RELN: variants seen among roughly 807,000 people sequenced by gnomAD.
The protein encoded by RELN is reelin.
A neutral mutation model predicts 427.6 loss-of-function variants in RELN; 108 were observed. That is an observed-to-expected ratio of 0.25 (90% CI 0.22 to 0.30). RELN has a LOEUF of 0.30. RELN is among the 10% of genes least tolerant of loss of function. RELN has a pLI of 1.00. For synonymous variants in RELN, 1,524 were observed against 1,513.4 expected, an observed-to-expected ratio of 1.01 and a Z score of -0.16; for missense variants, 3,715 against 4,302.8, an observed-to-expected ratio of 0.86 and a Z score of 3.82.
At chr7:103,669,471 C>G (rs1833343234) in intron 11 of RELN, among the ~76,000 whole-genome samples, 1 of 152,158 alleles carries the variant, frequency 6.6e-6, no homozygotes, top group Non-Finnish European at 1.5e-5. Context: ...GCTCTATCAA[C>G]TACTGGGGGA....
At chr7:103,734,934 G>A (rs893138021) in intron 6 of RELN, among the ~76,000 whole-genome samples, 3 of 151,994 alleles carry the variant, frequency 2.0e-5, no homozygotes, top group Non-Finnish European at 2.9e-5. Flanking sequence ...AGCGATGAGT[G>A]GACTTCATAA....
At chr7:103,572,134 A>G (rs184529745) in intron 31 of RELN, 50 bp downstream of exon 31, 165 of 1,042,624 alleles carry the variant, frequency 1.6e-4, no homozygotes, top group Non-Finnish European at 2.2e-4. Flanking sequence ...AGGATAAAGG[A>G]CTAATCTGCC....
rs140080276 is a variant in RELN, at chr7:103,495,711, A to G, written c.9369+12T>C. On this transcript the variant is annotated intron_variant, in intron 57 of 64. Coordinates refer to ENST00000428762, the MANE Select transcript of RELN (RefSeq NM_005045.4). ...ATGCTACTTTCTGTTTTAAAGAGCC[A>G]CTTTTCCTTACTTTAAACTGCATCA... 107 of 1,613,848 alleles carry G rather than the reference A, an allele frequency of 6.6e-5. No homozygotes were observed. In the African/African-American group the frequency reaches 8.8e-4, roughly 13 times the overall value.
At chr7:103,571,377 G>T (rs1423765662) in intron 31 of RELN, among the ~76,000 whole-genome samples, 1 of 152,202 alleles carries the variant, frequency 6.6e-6, no homozygotes, top group East Asian at 1.9e-4. Context: ...GGCCACCTAT[G>T]CTTCAAGCCT....
At chr7:103,955,344 AG>A (rs1796412039) in intron 1 of RELN, among the ~76,000 whole-genome samples, 1 of 152,240 alleles carries the variant, frequency 6.6e-6, no homozygotes. Context: ...TTCCATGAAC[AG>A]TAACTAAATT....
At chr7:103,934,526 G>A (rs559115387) in intron 1 of RELN, among the ~76,000 whole-genome samples, 1 of 152,226 alleles carries the variant, frequency 6.6e-6, no homozygotes, top group East Asian at 1.9e-4. Flanking sequence ...CAGCTTCCCA[G>A]CCTCAGAATC....
intron 7 of RELN, among the ~76,000 whole-genome samples, chr7:103,723,467 T>C (rs1369901997): frequency 1.3e-5 from 2 of 152,146 alleles, no homozygotes; most frequent in Non-Finnish European, 2.9e-5. Flanking sequence ...CTTAGTGGAA[T>C]CCAGCAGGTT....
intron 3 of RELN, among the ~76,000 whole-genome samples, chr7:103,784,225 G>T (rs1292348513): frequency 1.3e-5 from 2 of 152,126 alleles, no homozygotes; most frequent in African/African-American, 4.8e-5. Context: ...CACCATTAAG[G>T]TGTCAAATGT....
In RELN at chr7:103,654,104, A is replaced by G; in HGVS notation, c.1543T>C (p.Ser515Pro). The G allele has an allele frequency of 6.4e-7, 1 of 1,570,884 alleles. No homozygotes were observed. Among genetic ancestry groups the G allele is most frequent in the Non-Finnish European group, 8.8e-7 (1 of 1,141,244 alleles). The change falls in exon 13 of 65, where the codon TCC becomes CCC. Residue 515 changes from serine to proline, a missense_variant. By Grantham distance (74) the Ser-to-Pro change is moderately conservative (BLOSUM62 -1). This residue lies in a region of RELN where 2,208 missense variants were observed against 2,361.7 expected (regional missense o/e 0.93). Coordinates refer to ENST00000428762, the MANE Select transcript of RELN (RefSeq NM_005045.4). ...ACTGGCATGTGTACCTTATATGAGG[A>G]ATAGGAAAGGGTATCCAGTGTTATA... ...EHITLDTLSY[S>P]SYKVPSLVSV...
intron 1 of RELN, among the ~76,000 whole-genome samples, chr7:103,926,039 A>G (rs1477817235): frequency 6.6e-6 from 1 of 151,918 alleles, no homozygotes; most frequent in Non-Finnish European, 1.5e-5. Flanking sequence ...ACAAATAACA[A>G]AGTAACTCCT....
intron 2 of RELN, among the ~76,000 whole-genome samples, chr7:103,901,297 T>C (rs571218664): frequency 1.3e-5 from 2 of 152,170 alleles, no homozygotes; most frequent in African/African-American, 4.8e-5. Context: ...CTCTCATACA[T>C]TGCTAGTGAG....
At chr7:103,958,600 A>AC (rs1796483869) in intron 1 of RELN, among the ~76,000 whole-genome samples, 1 of 152,056 alleles carries the variant, frequency 6.6e-6, no homozygotes, top group Non-Finnish European at 1.5e-5. Context: ...TGTGTGTAGG[A>AC]GTGTATGGGT....
At chr7:103,886,178 C>T (rs532906077) in intron 2 of RELN, among the ~76,000 whole-genome samples, 1 of 152,028 alleles carries the variant, frequency 6.6e-6, no homozygotes, top group Non-Finnish European at 1.5e-5. Context: ...TTCTTAAAGC[C>T]AAAATGAAAT....
intron 22 of RELN, among the ~76,000 whole-genome samples, chr7:103,610,103 T>G (rs1330278191): frequency 6.6e-6 from 1 of 152,198 alleles, no homozygotes; most frequent in Non-Finnish European, 1.5e-5. Flanking sequence ...CCCCAAATAT[T>G]ACATCTTTTT....
At chr7:103,865,930 T>C (rs565310631) in intron 2 of RELN, among the ~76,000 whole-genome samples, 3 of 152,262 alleles carry the variant, frequency 2.0e-5, no homozygotes, top group East Asian at 3.9e-4. Flanking sequence ...CCTGCACTTA[T>C]AGTTAAGGTA....
At chr7:103,987,074 CA>C (rs67498168) in intron 1 of RELN, among the ~76,000 whole-genome samples, 65,152 of 118,996 alleles carry the variant, frequency 0.55, 16,454 homozygotes, top group African/African-American at 0.59. Flanking sequence ...GAACATTTTA[CA>C]AAAAAAAAAA....
At chr7:103,942,547 A>C (rs930711089) in intron 1 of RELN, among the ~76,000 whole-genome samples, 2 of 152,182 alleles carry the variant, frequency 1.3e-5, no homozygotes, top group East Asian at 1.9e-4. Context: ...AAAATCTAAG[A>C]AGCAGAATTC....
chr7:103,698,138 T>C (rs749477006), intron 9 of RELN, 45 bp from the exon 10 acceptor site: 15 of 1,611,784 alleles, frequency 9.3e-6, no homozygotes, highest in Non-Finnish European at 1.2e-5. Flanking sequence ...GCTGACTTTT[T>C]CTTTCTTAGA....
chr7:103,747,031 T>C (rs1790855288), intron 6 of RELN, among the ~76,000 whole-genome samples: 2 of 152,092 alleles, frequency 1.3e-5, no homozygotes, highest in Non-Finnish European at 2.9e-5. Flanking sequence ...CCAACAATGA[T>C]AGATGGATTA....
Sources: allele counts gnomAD v4.1 joint callset (sites outside exome capture counted in the v4.1 genomes callset), GRCh38; gene constraint gnomAD v4.1.1; regional missense constraint gnomAD v4.1.1; transcripts MANE v1.5; gene names NCBI Gene and HGNC (gene_info 2026-07-23, HGNC 2026-07-21).